GPHN: variants seen among roughly 807,000 people sequenced by gnomAD.
GPHN encodes gephyrin.
GPHN carries 17 observed loss-of-function variants against 95.5 expected under a neutral mutation model. That is an observed-to-expected ratio of 0.18 (90% confidence interval 0.12 to 0.27). GPHN has a LOEUF of 0.27. Ranked by LOEUF, GPHN falls within the 10% of genes least tolerant of loss-of-function variation. The pLI is 1.00. For synonymous variants in GPHN, 320 were observed against 322.5 expected, an observed-to-expected ratio of 0.99 and a Z score of 0.08; for missense variants, 660 against 978.1, an observed-to-expected ratio of 0.67 and a Z score of 4.34.
intron 2 of GPHN, among the ~76,000 whole-genome samples, chr14:66,692,126 A>AAT (rs1433664574): frequency 2.0e-5 from 3 of 152,180 alleles, no homozygotes; most frequent in Non-Finnish European, 4.4e-5. Flanking sequence ...AAGGATTACT[A>AAT]ATATATATAG....
the GPHN span, chr14:67,302,368 G>A: frequency 7.8e-7 from 1 of 1,282,116 alleles, no homozygotes; most frequent in Non-Finnish European, 1.0e-6. Flanking sequence ...AACAAAAATT[G>A]TATTATTTTT....
the GPHN span, among the ~76,000 whole-genome samples, chr14:67,543,736 G>C: frequency 6.6e-6 from 1 of 151,742 alleles, no homozygotes; most frequent in African/African-American, 2.4e-5. Flanking sequence ...GATATATCTC[G>C]GAGGGAAGAG....
At chr14:67,179,815 C>T (rs1471459562) in intron 22 of GPHN, 141 bp downstream of exon 22, 2 of 648,642 alleles carry the variant, frequency 3.1e-6, no homozygotes, top group African/African-American at 3.7e-5. Context: ...TTAAGTTATT[C>T]CTAAACAGTA....
chr14:67,182,095 GA>G (rs1002272169), downstream of GPHN, among the ~76,000 whole-genome samples: 2 of 151,672 alleles, frequency 1.3e-5, no homozygotes, highest in African/African-American at 2.4e-5. Flanking sequence ...TAATGACTTA[GA>G]AAAAAAATAA....
intron 2 of GPHN, among the ~76,000 whole-genome samples, chr14:66,728,830 G>A (rs540418087): frequency 6.6e-6 from 1 of 152,278 alleles, no homozygotes; most frequent in South Asian, 2.1e-4. Flanking sequence ...TGACTGTTGG[G>A]AAGGCATGAT....
the GPHN span, among the ~76,000 whole-genome samples, chr14:67,244,158 T>C: frequency 6.6e-6 from 1 of 152,228 alleles, no homozygotes; most frequent in Non-Finnish European, 1.5e-5. Flanking sequence ...ATTCCCCTAC[T>C]GAAGAATTTT....
intron 2 of GPHN, among the ~76,000 whole-genome samples, chr14:66,707,167 A>T (rs1411775880): frequency 1.3e-5 from 2 of 152,116 alleles, no homozygotes; most frequent in African/African-American, 4.8e-5. Context: ...TAAACAATAG[A>T]TGCTGGTGAG....
chr14:67,142,499 T>C (rs2080533908), intron 17 of GPHN, among the ~76,000 whole-genome samples: 1 of 152,192 alleles, frequency 6.6e-6, no homozygotes, highest in African/African-American at 2.4e-5. Context: ...TCAAAGAGCC[T>C]GTTGCACTTG....
intron 2 of GPHN, among the ~76,000 whole-genome samples, chr14:66,746,326 C>A (rs2058148686): frequency 6.6e-6 from 1 of 152,094 alleles, no homozygotes; most frequent in Non-Finnish European, 1.5e-5. Context: ...GAATTTGTAT[C>A]CTGTATTACT....
intron 1 of GPHN, among the ~76,000 whole-genome samples, chr14:66,518,282 G>A (rs75189832): frequency 2.6e-5 from 4 of 152,072 alleles, no homozygotes; most frequent in Admixed American, 1.3e-4. Context: ...CAAAACCACA[G>A]TGAGGTATTC....
chr14:66,612,592 A>G (rs900934853), intron 1 of GPHN, among the ~76,000 whole-genome samples: 2 of 152,236 alleles, frequency 1.3e-5, no homozygotes, highest in Admixed American at 6.5e-5. Context: ...TAAAATTTAC[A>G]TAATTCAAAT....
chr14:67,192,909 TATAG>T, the GPHN span, among the ~76,000 whole-genome samples: 3 of 146,566 alleles, frequency 2.0e-5, no homozygotes, highest in East Asian at 2.0e-4. Flanking sequence ...TCTAGATATA[TATAG>T]ATATATATGT....
chr14:67,528,207 C>T, the GPHN span, among the ~76,000 whole-genome samples: 1 of 152,204 alleles, frequency 6.6e-6, no homozygotes, highest in Non-Finnish European at 1.5e-5. Flanking sequence ...CTACTGAGTA[C>T]TTACTGAGTG....
the GPHN span, among the ~76,000 whole-genome samples, chr14:67,657,809 C>T: frequency 6.9e-6 from 1 of 145,102 alleles, no homozygotes; most frequent in South Asian, 2.1e-4. Flanking sequence ...AGTGGAGTGG[C>T]AAGATCTCAG....
intron 1 of GPHN, among the ~76,000 whole-genome samples, chr14:66,581,079 G>A (rs2061144772): frequency 6.6e-6 from 1 of 151,658 alleles, no homozygotes. Flanking sequence ...CTCAATAAAT[G>A]CAGAAAAAGC....
the GPHN span, among the ~76,000 whole-genome samples, chr14:67,723,310 T>C: frequency 3.9e-5 from 6 of 152,210 alleles, no homozygotes; most frequent in Non-Finnish European, 8.8e-5. Flanking sequence ...CATAGGTCAC[T>C]GCAGCCTTGA....
the GPHN span, among the ~76,000 whole-genome samples, chr14:67,264,092 G>T: frequency 6.6e-6 from 1 of 152,120 alleles, no homozygotes; most frequent in East Asian, 1.9e-4. Flanking sequence ...GAACATATAA[G>T]GTTGGTGTAA....
the GPHN span, among the ~76,000 whole-genome samples, chr14:67,479,943 A>G: frequency 1.3e-5 from 2 of 152,296 alleles, no homozygotes; most frequent in Non-Finnish European, 2.9e-5. Flanking sequence ...GATGATCCTA[A>G]CTGCCTGGGT....
chr14:67,520,931 A>C, the GPHN span, among the ~76,000 whole-genome samples: 1 of 152,258 alleles, frequency 6.6e-6, no homozygotes, highest in African/African-American at 2.4e-5. Context: ...GCATTCCCAC[A>C]AGCAATGAAT....
Sources: allele counts gnomAD v4.1 joint callset (sites outside exome capture counted in the v4.1 genomes callset), GRCh38; gene constraint gnomAD v4.1.1; transcripts MANE v1.5; gene names NCBI Gene and HGNC (gene_info 2026-07-23, HGNC 2026-07-21).